LUZP1: variants seen among roughly 807,000 people sequenced by gnomAD.
LUZP1 encodes the protein leucine zipper protein 1.
Under a neutral mutation model 71.3 loss-of-function variants are expected in LUZP1, and 25 were observed. The ratio of observed to expected loss-of-function variants is 0.35; its 90% CI spans 0.26 to 0.49. LUZP1 has a LOEUF of 0.49. Among genes scored for constraint, LUZP1 ranks in the 20% least tolerant of loss-of-function variants. LUZP1 has a pLI of 0.99. For synonymous variants in LUZP1, 481 were observed against 506.4 expected, an observed-to-expected ratio of 0.95 and a Z score of 0.67; for missense variants, 1,142 against 1,300.8, an observed-to-expected ratio of 0.88 and a Z score of 1.88.
intron 2 of LUZP1, among the ~76,000 whole-genome samples, chr1:23,165,189 T>A (rs985638217): frequency 6.6e-6 from 1 of 152,128 alleles, no homozygotes; most frequent in Non-Finnish European, 1.5e-5. Flanking sequence ...AGAAACCTCA[T>A]AACATTCCCA....
chr1:23,152,677 C>T (rs1012006111), intron 2 of LUZP1, among the ~76,000 whole-genome samples: 7 of 151,962 alleles, frequency 4.6e-5, no homozygotes, highest in Admixed American at 3.3e-4. Flanking sequence ...ATTACAGGCG[C>T]CCACCACCAT....
intron 2 of LUZP1, among the ~76,000 whole-genome samples, chr1:23,127,713 C>T (rs1292688027): frequency 1.3e-5 from 2 of 152,010 alleles, no homozygotes; most frequent in African/African-American, 2.4e-5. Context: ...TTAGTAGAGA[C>T]GGGGTTTCTC....
At position 23,093,378 on chromosome 1, in the gene LUZP1, A is replaced by G. The variant is rs754848885; in HGVS notation, c.884T>C (p.Ile295Thr). Residue 295 changes from isoleucine to threonine, a missense_variant, in exon 4 of 5, where the codon ATT becomes ACT. Coordinates refer to ENST00000302291, the Ensembl canonical transcript of LUZP1. The surrounding 1 kb of genome is among the most constrained non-coding windows in gnomAD (Gnocchi z 4.2). ...TTTGATTTGTGTCTTAAGTTTCTCA[A>G]TCTCTTGGTTAAGGTCTTTGACTTT... 12 of 1,613,304 alleles carry G rather than the reference A, an allele frequency of 7.4e-6. No individual in the cohort carries two copies. The highest frequency in any genetic ancestry group is 8.5e-6 in the Non-Finnish European group (10 of 1,179,888).
At chr1:23,122,168 G>C (rs1239031078) in intron 2 of LUZP1, among the ~76,000 whole-genome samples, 1 of 152,128 alleles carries the variant, frequency 6.6e-6, no homozygotes, top group Non-Finnish European at 1.5e-5. Context: ...ATACATTTGA[G>C]TGGGCACTCA....
intron 2 of LUZP1, among the ~76,000 whole-genome samples, chr1:23,143,850 G>A (rs1439471644): frequency 6.6e-6 from 1 of 152,152 alleles, no homozygotes; most frequent in Non-Finnish European, 1.5e-5. Context: ...CTGAGGTTCA[G>A]GGAGGTTATG....
chr1:23,135,433 T>A (rs1333091587), intron 2 of LUZP1, among the ~76,000 whole-genome samples: 2 of 152,184 alleles, frequency 1.3e-5, no homozygotes, highest in African/African-American at 4.8e-5. Context: ...ACTTATGGGG[T>A]GGAGTTGGGT....
At chr1:23,149,112 T>C (rs1001227197) in intron 2 of LUZP1, among the ~76,000 whole-genome samples, 2 of 136,760 alleles carry the variant, frequency 1.5e-5, no homozygotes, top group African/African-American at 5.6e-5. Context: ...AAAAATTAAA[T>C]TAAAAAATAA....
chr1:23,129,604 C>T (rs1041595718), intron 2 of LUZP1, among the ~76,000 whole-genome samples: 1 of 152,006 alleles, frequency 6.6e-6, no homozygotes, highest in African/African-American at 2.4e-5. Context: ...ATAAATAAGA[C>T]AATGAACTTC....
In LUZP1 at chr1:23,111,029, A is replaced by G. The variant is rs941247125; in HGVS notation, c.-225-1902T>C. On this transcript the variant is annotated intron_variant, in intron 2 of 4. Transcript: ENST00000302291. ...ACCCTGGCCAATATGGTGAAACCCC[A>G]TCTCTACTAAAAATACAAAAATTAG... Among the ~76,000 whole-genome samples the G allele has an allele frequency of 3.2e-4, 49 of 151,696 alleles. 1 individual carries two copies. In the South Asian group the frequency reaches 8.6e-3, roughly 26 times the overall value.
At chr1:23,100,550 G>A (rs1459720902) in intron 3 of LUZP1, among the ~76,000 whole-genome samples, 6 of 152,096 alleles carry the variant, frequency 3.9e-5, no homozygotes, top group East Asian at 1.9e-4. Context: ...TCTAGTTATC[G>A]GACCAAATGT....
At chr1:23,177,711 G>T (rs945840435) in exon 1 of LUZP1, 3 of 152,250 alleles carry the variant, frequency 2.0e-5, no homozygotes, top group Non-Finnish European at 4.4e-5. Context: ...GCGGGCGGCG[G>T]GGGAGGGGGC....
At chr1:23,085,543 T>C (rs887219375) in exon 5 of LUZP1, 5 of 152,512 alleles carry the variant, frequency 3.3e-5, no homozygotes, top group Admixed American at 3.3e-4. Flanking sequence ...GGACCCAGCC[T>C]CTGGGTCCCC....
intron 2 of LUZP1, among the ~76,000 whole-genome samples, chr1:23,137,772 A>C (rs1644266574): frequency 6.6e-6 from 1 of 152,212 alleles, no homozygotes; most frequent in South Asian, 2.1e-4. Context: ...ATGTAACATG[A>C]TACACTGTGA....
intron 3 of LUZP1, among the ~76,000 whole-genome samples, chr1:23,105,180 T>C (rs969451519): frequency 2.0e-5 from 3 of 152,190 alleles, no homozygotes; most frequent in African/African-American, 7.2e-5. Flanking sequence ...AGAGATGGGA[T>C]AAGGGCCTGA....
rs951596466 is a variant in LUZP1, at chr1:23,094,449, GAA to G, written c.-119-71_-119-70del. On this transcript the variant is annotated intron_variant, in intron 3 of 4. Transcript: ENST00000302291. This position sits in a 1 kb window ranked among gnomAD's most constrained non-coding sequence, Gnocchi z 4.7. ...ACCTGCACGTTAGCTCCCAGTTATA[GAA>G]AAGTGCTCCTATCTGTTCCTGGTGC... 8.3e-7 allele frequency: 1 copy of G among 1,201,080 alleles called. No individual in the cohort carries two copies. The highest frequency in any genetic ancestry group is 1.1e-6 in the Non-Finnish European group (1 of 915,290). 74.4% of individuals were successfully genotyped at this position (1,201,080 alleles called of 1,614,324 possible). A position where few individuals can be genotyped will look rare whatever the true frequency, so the allele number is the denominator to read the frequency against.
intron 2 of LUZP1, among the ~76,000 whole-genome samples, chr1:23,130,451 ATC>A (rs928025261): frequency 2.5e-4 from 38 of 151,558 alleles, no homozygotes; most frequent in African/African-American, 8.5e-4. Flanking sequence ...TTCAATAGAG[ATC>A]TGTTTAAGAA....
rs1401432905 is a variant in LUZP1 at position 23,091,238 on chromosome 1, C to T, written c.3024G>A (p.Arg1008=). The change falls in exon 4 of 5, where the codon CGG becomes CGA. Residue 1008 remains arginine, a synonymous_variant. Coordinates refer to ENST00000302291, the Ensembl canonical transcript of LUZP1. The stretch of plus-strand genomic sequence containing the variant: ...CTGCGACAGTGATGGTGTCTCCTAC[C>T]CGATTCCGACGGGTAAGCACCTCTG... 4 of 1,613,434 alleles carry T rather than the reference C, an allele frequency of 2.5e-6. No individual in the cohort carries two copies. In the African/African-American group the frequency reaches 4.0e-5, roughly 16 times the overall value.
intron 2 of LUZP1, among the ~76,000 whole-genome samples, chr1:23,115,172 G>A (rs928856850): frequency 1.3e-5 from 2 of 152,166 alleles, no homozygotes; most frequent in Non-Finnish European, 2.9e-5. Flanking sequence ...GTAAAATAAT[G>A]TCTTTCAACT....
chr1:23,174,929 T>TTTCATTCA (rs138531275), intron 1 of LUZP1, among the ~76,000 whole-genome samples: 6 of 152,176 alleles, frequency 3.9e-5, no homozygotes, highest in African/African-American at 9.6e-5. Flanking sequence ...ACTACATGCA[T>TTTCATTCA]TTCATTCATT....
Sources: allele counts gnomAD v4.1 joint callset (sites outside exome capture counted in the v4.1 genomes callset), GRCh38; gene constraint gnomAD v4.1.1; non-coding constraint Gnocchi (gnomAD v3.1); transcripts MANE v1.5; gene names NCBI Gene and HGNC (gene_info 2026-07-23, HGNC 2026-07-21).